Variants in ZNF69 observed in about 807,000 individuals in gnomAD.
ZNF69 encodes zinc finger protein 69, also known as ZNF3.
In ZNF69, 47 loss-of-function variants were observed where a neutral mutation model predicts 50.9. That is an observed-to-expected ratio of 0.92 (90% CI 0.73 to 1.18). ZNF69 has a LOEUF of 1.18. ZNF69 is among the 50% of genes most tolerant of loss of function. The pLI, the probability that ZNF69 is intolerant of heterozygous loss-of-function variation, is 0.00. For synonymous variants in ZNF69, 216 were observed against 223.1 expected (o/e 0.97, Z 0.29); for missense variants, 717 against 675.1 (o/e 1.06, Z -0.69).
In ZNF69 at chr19:11,904,367, G is replaced by A. The variant is rs530148403; in HGVS notation, c.252-282G>A. ...TGCACTCCAGTGTGGGCAACAGGACGAGACCCCTAAATAAAAGAAAAATGA... is the reference window on the plus strand; with the variant it reads ...TGCACTCCAGTGTGGGCAACAGGACAAGACCCCTAAATAAAAGAAAAATGA... On this transcript the variant is annotated intron_variant, in intron 3 of 3. Transcript: ENST00000429654. Among the ~76,000 whole-genome samples, 5 of 152,286 alleles carry A rather than the reference G, an allele frequency of 3.3e-5. No homozygotes were observed. The East Asian group carries it at 5.8e-4, about 18-fold the overall frequency.
At chr19:11,937,042 T>A in the ZNF69 span, among the ~76,000 whole-genome samples, 1 of 152,180 alleles carries the variant, frequency 6.6e-6, no homozygotes, top group Non-Finnish European at 1.5e-5. Flanking sequence ...GTTCCATTGG[T>A]CTATATATCT....
At chr19:11,919,127 C>T (rs993509839), downstream of ZNF69, among the ~76,000 whole-genome samples, 2 of 151,952 alleles carry the variant, frequency 1.3e-5, no homozygotes, top group African/African-American at 4.8e-5. Context: ...AATCTCCTGC[C>T]CTCGTGATCC....
At chr19:11,948,481 G>A in the ZNF69 span, 369 of 1,613,850 alleles carry the variant, frequency 2.3e-4, no homozygotes, top group Non-Finnish European at 2.8e-4. Context: ...TGGACACAAG[G>A]CATATGAGTA....
chr19:11,923,887 AAG>A, the ZNF69 span, among the ~76,000 whole-genome samples: 4 of 152,136 alleles, frequency 2.6e-5, no homozygotes, highest in Non-Finnish European at 4.4e-5. Flanking sequence ...AAGGGAGGGA[AAG>A]AGAGTTTCCC....
the ZNF69 span, among the ~76,000 whole-genome samples, chr19:11,942,263 A>C: frequency 6.6e-6 from 1 of 151,334 alleles, no homozygotes; most frequent in African/African-American, 2.4e-5. Context: ...TTGGCTAGCT[A>C]TCTGCCTTCT....
the ZNF69 span, among the ~76,000 whole-genome samples, chr19:11,967,050 T>C: frequency 6.6e-6 from 1 of 152,158 alleles, no homozygotes; most frequent in Non-Finnish European, 1.5e-5. Flanking sequence ...TGAAAGCTAC[T>C]CTGGGCCAGC....
downstream of ZNF69, among the ~76,000 whole-genome samples, chr19:11,916,000 C>A (rs1227261917): frequency 6.6e-6 from 1 of 152,120 alleles, no homozygotes; most frequent in African/African-American, 2.4e-5. Flanking sequence ...ATTGGAGGAG[C>A]CCTTTATACT....
At chr19:11,923,633 C>T in the ZNF69 span, among the ~76,000 whole-genome samples, 2 of 152,220 alleles carry the variant, frequency 1.3e-5, no homozygotes, top group African/African-American at 4.8e-5. Flanking sequence ...TCAGCTGCCA[C>T]CTCCACCGCG....
At chr19:11,948,977 C>A in the ZNF69 span, 40 of 1,608,550 alleles carry the variant, frequency 2.5e-5, no homozygotes, top group African/African-American at 4.4e-4. Context: ...TTTGCATATA[C>A]CAGTTCTCTT....
chr19:11,962,143 C>T, the ZNF69 span, among the ~76,000 whole-genome samples: 29 of 151,746 alleles, frequency 1.9e-4, no homozygotes, highest in Admixed American at 4.6e-4. Flanking sequence ...GGAGGACGGG[C>T]GTGGTGGCTC....
At chr19:11,910,275 C>T (rs1345776482), downstream of ZNF69, among the ~76,000 whole-genome samples, 1 of 152,122 alleles carries the variant, frequency 6.6e-6, no homozygotes, top group African/African-American at 2.4e-5. Flanking sequence ...CCATGCCATC[C>T]CCATCAAGCT....
the ZNF69 span, chr19:11,964,989 C>CG: frequency 1.5e-5 from 8 of 529,130 alleles, no homozygotes; most frequent in African/African-American, 1.6e-4. Flanking sequence ...TCAGAGGTGC[C>CG]GGGGCAGGGC....
the ZNF69 span, among the ~76,000 whole-genome samples, chr19:11,962,729 CG>C: frequency 2.0e-5 from 3 of 152,038 alleles, no homozygotes; most frequent in African/African-American, 7.3e-5. Context: ...AGCAGTTAAC[CG>C]GAACTATCAT....
Position 11,904,884 on chromosome 19 carries a change from C to A in ZNF69, c.487C>A (p.Pro163Thr). 1 of 1,614,154 alleles carries A rather than the reference C, an allele frequency of 6.2e-7. No homozygotes were observed. Among genetic ancestry groups the A allele is most frequent in the Non-Finnish European group, 8.5e-7 (1 of 1,180,038 alleles). Residue 163 changes from proline (P) to threonine (T), a missense_variant, in exon 4 of 4, where the codon CCA becomes ACA. Pro to Thr is a conservative substitution (Grantham distance 38). Transcript: ENST00000429654. ...TGAGTATCAGGAATATGGACCGAAG[C>A]CATGTAAGTGTCAACAACCTAAAAA... Reference protein sequence around the residue: ...AYEYQEYGPKPCKCQQPKKAF... With the variant: ...AYEYQEYGPKTCKCQQPKKAF...
the ZNF69 span, chr19:11,949,174 C>CA: frequency 3.7e-6 from 6 of 1,612,240 alleles, no homozygotes; most frequent in Non-Finnish European, 5.1e-6. Context: ...TGAAAAAACT[C>CA]ACACTGGAGA....
chr19:11,909,740 A>G (rs1014468277), downstream of ZNF69, among the ~76,000 whole-genome samples: 2 of 152,084 alleles, frequency 1.3e-5, no homozygotes, highest in East Asian at 3.8e-4. Flanking sequence ...AACTGGAAGC[A>G]TTCCCTTTGA....
intron 1 of ZNF69, among the ~76,000 whole-genome samples, chr19:11,898,138 C>G (rs544183596): frequency 3.2e-4 from 49 of 152,004 alleles, no homozygotes; most frequent in Non-Finnish European, 5.6e-4. Flanking sequence ...ACTTTCACAA[C>G]CTGGGTATGC....
At chr19:11,914,965 A>G (rs1972508968), downstream of ZNF69, among the ~76,000 whole-genome samples, 1 of 152,304 alleles carries the variant, frequency 6.6e-6, no homozygotes, top group South Asian at 2.1e-4. Context: ...CCACTTTGCT[A>G]GTCCAAAGCG....
At chr19:11,934,070 G>A in the ZNF69 span, among the ~76,000 whole-genome samples, 226 of 147,848 alleles carry the variant, frequency 1.5e-3, 35 homozygotes, top group African/African-American at 5.8e-3. Context: ...TGAGCCTGGT[G>A]TGATGCCTCA....
Sources: allele counts gnomAD v4.1 joint callset (sites outside exome capture counted in the v4.1 genomes callset), GRCh38; gene constraint gnomAD v4.1.1; transcripts MANE v1.5; gene names NCBI Gene and HGNC (gene_info 2026-07-23, HGNC 2026-07-21).